The following RARB variants were observed in gnomAD, a reference collection of about 807,000 sequenced individuals.
RARB encodes retinoic acid receptor beta.
RARB carries 17 observed loss-of-function variants against 51.9 expected under a neutral mutation model. That is an observed-to-expected ratio of 0.33 (90% CI 0.22 to 0.49). The LOEUF is 0.49. Ranked by LOEUF, RARB falls within the 20% of genes least tolerant of loss-of-function variation. RARB has a pLI of 0.99. For synonymous variants in RARB, 215 were observed against 195.4 expected (o/e 1.10, Z -0.84); for missense variants, 369 against 550.8 (o/e 0.67, Z 3.30).
intron 2 of RARB, among the ~76,000 whole-genome samples, chr3:25,005,248 T>C (rs529968926): frequency 1.3e-5 from 2 of 152,286 alleles, no homozygotes; most frequent in South Asian, 4.1e-4. Context: ...CCTGTATCAG[T>C]TATTTATTAC....
chr3:25,393,242 C>T (rs1172677405), intron 5 of RARB, among the ~76,000 whole-genome samples: 1 of 151,956 alleles, frequency 6.6e-6, no homozygotes, highest in African/African-American at 2.4e-5. Context: ...ATGAAACCCA[C>T]TTGATCATTG....
intron 2 of RARB, among the ~76,000 whole-genome samples, chr3:25,022,869 T>A (rs1697667471): frequency 6.6e-6 from 1 of 152,116 alleles, no homozygotes; most frequent in African/African-American, 2.4e-5. Context: ...CAGTCGGAGA[T>A]GAGGACAGAT....
chr3:24,920,973 G>A (rs13320063), intron 2 of RARB, among the ~76,000 whole-genome samples: 5,509 of 152,088 alleles, frequency 0.036, 340 homozygotes, highest in African/African-American at 0.12. Context: ...CCCTCATACT[G>A]GCCAATAGTT....
chr3:25,108,414 C>T (rs960137193), intron 3 of RARB, among the ~76,000 whole-genome samples: 2 of 152,108 alleles, frequency 1.3e-5, no homozygotes, highest in African/African-American at 2.4e-5. Context: ...GGGCTTTTTC[C>T]ATCTTGGGTT....
chr3:25,302,278 T>A (rs1704058515), intron 5 of RARB, among the ~76,000 whole-genome samples: 1 of 152,234 alleles, frequency 6.6e-6, no homozygotes, highest in South Asian at 2.1e-4. Context: ...ACTCCTAGGA[T>A]ATACTCAAAG....
At chr3:25,088,157 T>C (rs986262087) in intron 3 of RARB, among the ~76,000 whole-genome samples, 1 of 152,042 alleles carries the variant, frequency 6.6e-6, no homozygotes, top group Non-Finnish European at 1.5e-5. Context: ...AAAACATTAT[T>C]TGGTGAAACC....
chr3:25,340,142 C>T (rs1357997786), intron 5 of RARB, among the ~76,000 whole-genome samples: 6 of 152,072 alleles, frequency 3.9e-5, no homozygotes, highest in African/African-American at 1.4e-4. Context: ...CATGTTTCTC[C>T]CTTTCAAGAA....
chr3:25,052,362 A>G (rs1698349720), intron 2 of RARB, among the ~76,000 whole-genome samples: 2 of 152,234 alleles, frequency 1.3e-5, no homozygotes, highest in African/African-American at 4.8e-5. Flanking sequence ...ACAGAGAAGT[A>G]CAATTGCTAG....
intron 4 of RARB, among the ~76,000 whole-genome samples, chr3:25,158,528 G>A (rs1700414563): frequency 1.3e-5 from 2 of 152,158 alleles, no homozygotes; most frequent in Non-Finnish European, 1.5e-5. Context: ...ATTGGTTTTA[G>A]GGGGGAGGTG....
chr3:25,347,625 G>T (rs1261899399), intron 5 of RARB, among the ~76,000 whole-genome samples: 4 of 152,188 alleles, frequency 2.6e-5, no homozygotes, highest in Non-Finnish European at 1.5e-5. Flanking sequence ...GGCATGGAAA[G>T]GTATCATGGT....
At chr3:25,142,160 C>G (rs1158558013) in intron 4 of RARB, among the ~76,000 whole-genome samples, 1 of 152,064 alleles carries the variant, frequency 6.6e-6, no homozygotes, top group Non-Finnish European at 1.5e-5. Flanking sequence ...GGCGAAACCC[C>G]GTCTCTACTA....
chr3:25,461,827 A>C (rs905298726), intron 2 of RARB, among the ~76,000 whole-genome samples: 1 of 152,210 alleles, frequency 6.6e-6, no homozygotes, highest in African/African-American at 2.4e-5. Context: ...ACTGGGAAGC[A>C]GCGGTTGCAG....
At chr3:24,957,736 T>A (rs1696047505) in intron 2 of RARB, among the ~76,000 whole-genome samples, 1 of 152,200 alleles carries the variant, frequency 6.6e-6, no homozygotes, top group African/African-American at 2.4e-5. Context: ...TTCAACCAGC[T>A]GTCAGAAAAG....
At chr3:25,479,369 G>C (rs1289147598) in intron 2 of RARB, among the ~76,000 whole-genome samples, 3 of 152,136 alleles carry the variant, frequency 2.0e-5, no homozygotes, top group East Asian at 1.9e-4. Flanking sequence ...TCTCAGCCTT[G>C]TTGTGCATGG....
intron 3 of RARB, among the ~76,000 whole-genome samples, chr3:25,566,599 G>A (rs1700506044): frequency 6.6e-6 from 1 of 152,146 alleles, no homozygotes; most frequent in African/African-American, 2.4e-5. Context: ...CCTTCCCACA[G>A]GACCTCACCC....
chr3:25,071,137 G>A (rs987264778), intron 3 of RARB, among the ~76,000 whole-genome samples: 3 of 152,164 alleles, frequency 2.0e-5, no homozygotes, highest in Non-Finnish European at 4.4e-5. Flanking sequence ...TGCAAGTTAG[G>A]AATTTTTCCT....
At chr3:25,243,742 G>C (rs564361504) in intron 5 of RARB, among the ~76,000 whole-genome samples, 4 of 152,126 alleles carry the variant, frequency 2.6e-5, no homozygotes, top group Non-Finnish European at 4.4e-5. Flanking sequence ...TCCCTTCGAT[G>C]TTCATCAGGG....
intron 5 of RARB, among the ~76,000 whole-genome samples, chr3:25,243,928 T>TC (rs1156326281): frequency 6.6e-6 from 1 of 152,194 alleles, no homozygotes; most frequent in African/African-American, 2.4e-5. Context: ...CAGCTGTGAA[T>TC]CCATCTGTTC....
At chr3:25,339,406 C>G (rs1268987506) in intron 5 of RARB, among the ~76,000 whole-genome samples, 1 of 152,178 alleles carries the variant, frequency 6.6e-6, no homozygotes, top group Non-Finnish European at 1.5e-5. Context: ...GTAACCAATT[C>G]AACGCTTTCT....
Sources: gnomAD v4.1 joint callset for allele counts (sites outside exome capture counted in the v4.1 genomes callset) on GRCh38, gnomAD v4.1.1 for gene constraint, MANE v1.5 for transcripts, NCBI Gene and HGNC (gene_info 2026-07-23, HGNC 2026-07-21) for gene names.